Variants in CEP128 observed in about 807,000 individuals in gnomAD.
CEP128 encodes centrosomal protein 128.
Under a neutral mutation model 156.7 loss-of-function variants are expected in CEP128, and 132 were observed. The observed-to-expected ratio is 0.84, with a 90% CI of 0.73 to 0.97. CEP128 has a LOEUF of 0.97. CEP128 is among the 50% of genes least tolerant of loss of function. The probability of loss-of-function intolerance (pLI) is 0.00; values close to 1 mark genes in which losing one functional copy is unlikely to be tolerated. For synonymous variants in CEP128, 469 were observed against 448.9 expected (o/e 1.04, Z -0.57); for missense variants, 1,252 against 1,281.9 (o/e 0.98, Z 0.36).
intron 9 of CEP128, among the ~76,000 whole-genome samples, chr14:80,850,184 C>T (rs771645703): frequency 6.6e-6 from 1 of 152,122 alleles, no homozygotes; most frequent in Non-Finnish European, 1.5e-5. Context: ...ATAAAATACA[C>T]AATGTGTCAT....
intron 16 of CEP128, among the ~76,000 whole-genome samples, chr14:80,776,064 C>A (rs1315080625): frequency 6.6e-6 from 1 of 152,122 alleles, no homozygotes; most frequent in African/African-American, 2.4e-5. Flanking sequence ...GAATTCCTAA[C>A]CTCAGGTGAT....
At chr14:80,606,864 A>T (rs1457581994) in intron 19 of CEP128, among the ~76,000 whole-genome samples, 1 of 151,686 alleles carries the variant, frequency 6.6e-6, no homozygotes, top group African/African-American at 2.4e-5. Flanking sequence ...CTCAAATATC[A>T]CTCTATCCAA....
At chr14:80,698,093 A>C (rs928501402) in intron 19 of CEP128, among the ~76,000 whole-genome samples, 12 of 152,030 alleles carry the variant, frequency 7.9e-5, no homozygotes, top group African/African-American at 2.9e-4. Flanking sequence ...AATTTCTATT[A>C]AATTCTTAAA....
At chr14:80,578,668 T>C (rs375322812) in intron 20 of CEP128, among the ~76,000 whole-genome samples, 2 of 152,196 alleles carry the variant, frequency 1.3e-5, no homozygotes, top group East Asian at 1.9e-4. Context: ...GCCTATATAC[T>C]TGAATAGTAT....
Position 80,678,134 on chromosome 14 carries a change from C to T in CEP128, c.2806+64941G>A, listed in dbSNP as rs528558657. Among the ~76,000 whole-genome samples, 39 of 150,372 alleles carry T rather than the reference C, an allele frequency of 2.6e-4. 1 individual carries two copies. The highest frequency in any genetic ancestry group is 6.9e-3 in the Middle Eastern group (2 of 288). The stretch of plus-strand genomic sequence containing the variant: ...TAGGAAGAACTGCCCATCTGTTATG[C>T]GTGAATTCCTGAAGGTAAGCTGAGA... On this transcript the variant is annotated intron_variant, in intron 19 of 24. Coordinates refer to ENST00000555265, the MANE Select transcript of CEP128 (RefSeq NM_152446.5).
chr14:80,742,888 G>T, intron 19 of CEP128, 187 bp downstream of exon 19: 1 of 583,856 alleles, frequency 1.7e-6, no homozygotes, highest in Admixed American at 3.1e-5. Flanking sequence ...CAGGAGGAAT[G>T]CTGTGGCTGA....
intron 16 of CEP128, among the ~76,000 whole-genome samples, chr14:80,776,946 T>C (rs1566907888): frequency 6.6e-6 from 1 of 152,096 alleles, no homozygotes; most frequent in Admixed American, 6.5e-5. Context: ...TCCAACACAA[T>C]ATATGAAGTC....
At chr14:80,925,247 A>C (rs1885083220) in intron 2 of CEP128, among the ~76,000 whole-genome samples, 1 of 152,130 alleles carries the variant, frequency 6.6e-6, no homozygotes, top group Non-Finnish European at 1.5e-5. Flanking sequence ...ACCAAGAAAA[A>C]AAATGCACAG....
intron 18 of CEP128, among the ~76,000 whole-genome samples, 176 bp from the exon 19 acceptor site, chr14:80,743,443 C>T (rs1340078308): frequency 6.6e-6 from 1 of 152,056 alleles, no homozygotes; most frequent in Non-Finnish European, 1.5e-5. Context: ...CAAGTAAAAG[C>T]TGGTTCAGAA....
chr14:80,687,802 G>A (rs1195740011), intron 19 of CEP128, among the ~76,000 whole-genome samples: 1 of 152,070 alleles, frequency 6.6e-6, no homozygotes, highest in Non-Finnish European at 1.5e-5. Context: ...AAATGAGATC[G>A]CACTCATGCA....
At chr14:80,619,406 A>ACACACACACACAC (rs1893374857) in intron 19 of CEP128, among the ~76,000 whole-genome samples, 1 of 151,150 alleles carries the variant, frequency 6.6e-6, no homozygotes, top group Non-Finnish European at 1.5e-5. Context: ...ACACACACAC[A>ACACACACACACAC]AATAGAAAAC....
At chr14:80,835,412 T>C (rs1566660153) in intron 12 of CEP128, among the ~76,000 whole-genome samples, 1 of 152,156 alleles carries the variant, frequency 6.6e-6, no homozygotes, top group African/African-American at 2.4e-5. Context: ...AGGCAACATA[T>C]GGAGGTGTAT....
intron 16 of CEP128, among the ~76,000 whole-genome samples, chr14:80,775,402 A>G (rs1305025003): frequency 6.6e-6 from 1 of 152,264 alleles, no homozygotes. Context: ...AACCTAAAGT[A>G]CATAGCAATC....
intron 19 of CEP128, among the ~76,000 whole-genome samples, chr14:80,729,646 C>T (rs1366356327): frequency 6.6e-6 from 1 of 152,130 alleles, no homozygotes; most frequent in Admixed American, 6.6e-5. Flanking sequence ...TACATTCCCA[C>T]CAGCAGTATA....
chr14:80,892,148 G>A (rs1453343042), intron 8 of CEP128, among the ~76,000 whole-genome samples: 2 of 151,714 alleles, frequency 1.3e-5, no homozygotes, highest in Non-Finnish European at 2.9e-5. Flanking sequence ...TATACTTCCT[G>A]ATTTAAAATT....
At chr14:80,591,269 C>T (rs1026509286) in intron 19 of CEP128, among the ~76,000 whole-genome samples, 28 of 151,282 alleles carry the variant, frequency 1.9e-4, no homozygotes, top group African/African-American at 6.1e-4. Context: ...ACCCATCTCA[C>T]GTACAAAGAC....
intron 21 of CEP128, among the ~76,000 whole-genome samples, chr14:80,557,126 G>A (rs1320420450): frequency 6.6e-6 from 1 of 151,764 alleles, no homozygotes; most frequent in East Asian, 1.9e-4. Context: ...TTATTCTTAC[G>A]GGAACCTTTA....
intron 19 of CEP128, among the ~76,000 whole-genome samples, chr14:80,656,301 A>ATATATATATTTT (rs1895153998): frequency 1.4e-4 from 2 of 14,322 alleles, no homozygotes; most frequent in African/African-American, 6.6e-4. Context: ...TTATATATAT[A>ATATATATATTTT]TATATATATA....
chr14:80,520,409 A>T (rs1318961017), intron 23 of CEP128, among the ~76,000 whole-genome samples: 1 of 142,024 alleles, frequency 7.0e-6, no homozygotes, highest in Admixed American at 7.6e-5. Context: ...ACAGAGCGAG[A>T]TTCCATCTAA....
Sources: gnomAD v4.1 joint callset for allele counts (sites outside exome capture counted in the v4.1 genomes callset) on GRCh38, gnomAD v4.1.1 for gene constraint, MANE v1.5 for transcripts, NCBI Gene and HGNC (gene_info 2026-07-23, HGNC 2026-07-21) for gene names.